RYR2: variants seen among roughly 807,000 people sequenced by gnomAD.
RYR2 encodes cardiac muscle ryanodine receptor-calcium release channel.
In RYR2, 227 loss-of-function variants were observed where a neutral mutation model predicts 601.1. The observed-to-expected ratio is 0.38, with a 90% CI of 0.34 to 0.42. The LOEUF is 0.42. Among genes scored for constraint, RYR2 ranks in the 10% least tolerant of loss-of-function variants. RYR2 has a pLI of 1.00. For missense variants in RYR2, 4,646 were observed against 6,156.5 expected, an observed-to-expected ratio of 0.75 and a Z score of 8.21; for synonymous variants, 2,223 against 2,175.1, an observed-to-expected ratio of 1.02 and a Z score of -0.61.
At chr1:237,657,859 A>C in intron 53 of RYR2, 85 bp from the exon 54 acceptor site, 1 of 697,556 alleles carries the variant, frequency 1.4e-6, no homozygotes, top group Non-Finnish European at 2.4e-6. Context: ...AGATATAAGC[A>C]TTCATAAGCT....
At chr1:237,073,834 G>A (rs976103181) in intron 1 of RYR2, among the ~76,000 whole-genome samples, 6 of 129,804 alleles carry the variant, frequency 4.6e-5, no homozygotes, top group Middle Eastern at 5.6e-3. Flanking sequence ...TCATACCACT[G>A]TACTCCAGCC....
chr1:237,235,890 G>A (rs947248654), intron 1 of RYR2, among the ~76,000 whole-genome samples: 1 of 152,118 alleles, frequency 6.6e-6, no homozygotes, highest in South Asian at 2.1e-4. Context: ...GTATGTTGGA[G>A]GTTAGCATTG....
chr1:237,746,453 T>C (rs1692084784), intron 80 of RYR2, among the ~76,000 whole-genome samples: 1 of 152,132 alleles, frequency 6.6e-6, no homozygotes, highest in African/African-American at 2.4e-5. Context: ...AGGGAAATTT[T>C]CCATGAAGAA....
intron 1 of RYR2, among the ~76,000 whole-genome samples, chr1:237,161,395 T>C (rs2148862674): frequency 6.6e-6 from 1 of 152,212 alleles, no homozygotes; most frequent in East Asian, 1.9e-4. Context: ...GAGTTGATAA[T>C]GAATTTAAAT....
At chr1:237,355,890 A>G (rs914221360) in intron 3 of RYR2, 75 bp from the exon 4 acceptor site, 1 of 1,320,104 alleles carries the variant, frequency 7.6e-7, no homozygotes, top group African/African-American at 1.5e-5. Flanking sequence ...ATATCAATTC[A>G]TTTAAATGAC....
At chr1:237,789,996 A>AC (rs893087555) in intron 92 of RYR2, among the ~76,000 whole-genome samples, 1 of 152,184 alleles carries the variant, frequency 6.6e-6, no homozygotes, top group African/African-American at 2.4e-5. Context: ...GGGAAATGAC[A>AC]CGAACAGAGA....
At chr1:237,209,483 T>TA (rs2149086874) in intron 1 of RYR2, among the ~76,000 whole-genome samples, 1 of 81,828 alleles carries the variant, frequency 1.2e-5, no homozygotes, top group African/African-American at 3.4e-5. Flanking sequence ...TGGTACAGTG[T>TA]AAAATCTGCA....
intron 12 of RYR2, among the ~76,000 whole-genome samples, chr1:237,436,184 A>T (rs530095242): frequency 5.6e-4 from 86 of 152,266 alleles, no homozygotes; most frequent in African/African-American, 1.9e-3. Flanking sequence ...CCTCTACAAG[A>T]TCCCTTGACC....
chr1:237,828,196 T>C (rs1663379741), intron 101 of RYR2, among the ~76,000 whole-genome samples, 185 bp from the exon 102 acceptor site: 1 of 152,200 alleles, frequency 6.6e-6, no homozygotes, highest in Non-Finnish European at 1.5e-5. Context: ...TGCACATACT[T>C]CTGTCCCCAA....
At chr1:237,397,153 G>A (rs1024656751) in intron 10 of RYR2, among the ~76,000 whole-genome samples, 2 of 151,712 alleles carry the variant, frequency 1.3e-5, no homozygotes, top group Non-Finnish European at 2.9e-5. Flanking sequence ...CAGGAGAATC[G>A]CTTGAACGCA....
At chr1:237,324,531 C>G (rs139953875) in intron 2 of RYR2, among the ~76,000 whole-genome samples, 37 of 152,304 alleles carry the variant, frequency 2.4e-4, no homozygotes, top group African/African-American at 8.4e-4. Flanking sequence ...TAATTTATAT[C>G]TCTCTGATTC....
chr1:237,528,562 A>C (rs1667817050), intron 24 of RYR2, among the ~76,000 whole-genome samples: 1 of 152,204 alleles, frequency 6.6e-6, no homozygotes, highest in Admixed American at 6.5e-5. Flanking sequence ...GTGTGAGTTG[A>C]ATTCATACTT....
At chr1:237,073,338 C>T (rs1664615041) in intron 1 of RYR2, among the ~76,000 whole-genome samples, 1 of 152,080 alleles carries the variant, frequency 6.6e-6, no homozygotes, top group South Asian at 2.1e-4. Flanking sequence ...TAGTGAGAGT[C>T]AGCAAGGCCA....
intron 27 of RYR2, among the ~76,000 whole-genome samples, chr1:237,565,191 CTT>C (rs1491137660): frequency 2.7e-4 from 20 of 73,892 alleles, no homozygotes; most frequent in African/African-American, 7.6e-4. Flanking sequence ...TTCTTTCTTT[CTT>C]TCTTTCTTTC....
chr1:237,206,931 A>G (rs940355971), intron 1 of RYR2, among the ~76,000 whole-genome samples: 3 of 152,202 alleles, frequency 2.0e-5, no homozygotes, highest in Non-Finnish European at 2.9e-5. Flanking sequence ...CTAAATTCCT[A>G]TGAGAACTGT....
chr1:237,474,425 A>G (rs1661173986), intron 17 of RYR2, among the ~76,000 whole-genome samples: 1 of 152,000 alleles, frequency 6.6e-6, no homozygotes, highest in Non-Finnish European at 1.5e-5. Flanking sequence ...AATGTTCTAT[A>G]TATGCCTGGG....
intron 4 of RYR2, among the ~76,000 whole-genome samples, chr1:237,362,982 T>C (rs1010279286): frequency 6.6e-6 from 1 of 152,134 alleles, no homozygotes; most frequent in African/African-American, 2.4e-5. Flanking sequence ...ACTCTTTTTT[T>C]TGTTAATACC....
At chr1:237,176,611 CCTTATAGCAATAT>C (rs1005376256) in intron 1 of RYR2, among the ~76,000 whole-genome samples, 24 of 151,928 alleles carry the variant, frequency 1.6e-4, no homozygotes, top group African/African-American at 5.1e-4. Context: ...TCACAGATTT[CCTTATAGCAATAT>C]ATGAACTTTC....
chr1:237,473,373 G>A (rs991765981), intron 17 of RYR2, among the ~76,000 whole-genome samples: 6 of 151,870 alleles, frequency 4.0e-5, no homozygotes, highest in East Asian at 1.9e-4. Flanking sequence ...GCGGTGAGCC[G>A]AGATTGCACG....
Sources: allele counts gnomAD v4.1 joint callset (sites outside exome capture counted in the v4.1 genomes callset), GRCh38; gene constraint gnomAD v4.1.1; transcripts MANE v1.5; gene names NCBI Gene and HGNC (gene_info 2026-07-23, HGNC 2026-07-21).